ITGB8: variants seen among roughly 807,000 people sequenced by gnomAD.
ITGB8 encodes the protein integrin subunit beta 8, also known as integrin beta-8.
ITGB8 carries 30 observed loss-of-function variants against 89.5 expected under a neutral mutation model. The ratio of observed to expected loss-of-function variants is 0.34; its 90% confidence interval spans 0.25 to 0.45. The LOEUF is 0.45. Ranked by LOEUF, ITGB8 falls within the 20% of genes least tolerant of loss-of-function variation. ITGB8 has a pLI of 1.00. For missense variants in ITGB8, 836 were observed against 933.3 expected, an observed-to-expected ratio of 0.90 and a Z score of 1.36; for synonymous variants, 335 against 320.4, an observed-to-expected ratio of 1.05 and a Z score of -0.49.
In ITGB8 at chr7:20,363,679, G is replaced by T. The variant is rs376774573; in HGVS notation, c.170G>T (p.Arg57Met). The change falls in exon 2 of 14, where the codon AGG becomes ATG. Residue 57 changes from arginine to methionine, a missense_variant. Transcript: ENST00000222573. ...CASSNAASCA[R>M]CLALGPECGW... ...TCTTCAAATGCAGCATCCTGTGCCA[G>T]GTGCCTTGCGCTGGGTCCAGAATGT... 5.2e-4 allele frequency: 833 copies of T among 1,605,412 alleles called. 6 individuals are homozygous for T. The South Asian group carries it at 9.0e-3, about 17-fold the overall frequency.
chr7:20,352,333 A>T (rs1422511088), intron 1 of ITGB8: 4 of 152,210 alleles, frequency 2.6e-5, no homozygotes, highest in Non-Finnish European at 5.9e-5. Context: ...CAGAAGACAA[A>T]TTGAAGTATT....
chr7:20,357,125 T>TA (rs1406945929), intron 1 of ITGB8, among the ~76,000 whole-genome samples: 1 of 152,170 alleles, frequency 6.6e-6, no homozygotes, highest in Non-Finnish European at 1.5e-5. Context: ...GGAAATAATT[T>TA]AAAAATTGTT....
rs1009159263 is a variant in ITGB8, at chr7:20,415,468, T to G, written c.*5471T>G. 2.0e-5 allele frequency: 3 copies of G among 152,472 alleles called. No homozygotes were observed. Among genetic ancestry groups the G allele is most frequent in the African/African-American group, 7.2e-5 (3 of 41,442 alleles). 9.4% of individuals were successfully genotyped at this position (152,472 alleles called of 1,614,324 possible). A position where few individuals can be genotyped will look rare whatever the true frequency, so the allele number is the denominator to read the frequency against. The stretch of plus-strand genomic sequence containing the variant: ...ACATATTTCTTATTATTTCTGGCTT[T>G]GAATTATACGTAACTTAAATTGTCT... On this transcript the variant is annotated 3_prime_UTR_variant, in exon 14 of 14. Coordinates refer to ENST00000222573, the MANE Select transcript of ITGB8 (RefSeq NM_002214.3).
chr7:20,339,716 T>G (rs1055191544), intron 1 of ITGB8, among the ~76,000 whole-genome samples: 4 of 152,220 alleles, frequency 2.6e-5, no homozygotes, highest in African/African-American at 9.6e-5. Flanking sequence ...TTTTGAGTGC[T>G]ATTATCCAAA....
At chr7:20,389,141 C>T (rs1418056123) in intron 6 of ITGB8, among the ~76,000 whole-genome samples, 1 of 152,144 alleles carries the variant, frequency 6.6e-6, no homozygotes. Context: ...GGTATATACC[C>T]AGTAATGGGA....
intron 1 of ITGB8, among the ~76,000 whole-genome samples, chr7:20,362,803 C>T (rs1004573464): frequency 2.0e-5 from 3 of 152,154 alleles, no homozygotes; most frequent in Admixed American, 6.5e-5. Flanking sequence ...ATGTATGACT[C>T]ATTCTGTATC....
intron 6 of ITGB8, among the ~76,000 whole-genome samples, chr7:20,384,583 T>C (rs1484841971): frequency 1.3e-5 from 2 of 152,214 alleles, no homozygotes; most frequent in Non-Finnish European, 2.9e-5. Flanking sequence ...TCAGAAAAGC[T>C]AAGTAAGTTG....
upstream of ITGB8, among the ~76,000 whole-genome samples, chr7:20,330,016 C>T (rs1045674113): frequency 1.3e-5 from 2 of 152,322 alleles, no homozygotes; most frequent in African/African-American, 4.8e-5. Flanking sequence ...CCTCTCCCCG[C>T]TTTGCTGCTG....
chr7:20,336,155 G>A (rs1028636339), intron 1 of ITGB8, among the ~76,000 whole-genome samples: 1 of 151,764 alleles, frequency 6.6e-6, no homozygotes, highest in Non-Finnish European at 1.5e-5. Flanking sequence ...ACAGGCACCC[G>A]CCACCACGCC....
At chr7:20,349,920 GT>G (rs1189298769) in intron 1 of ITGB8, among the ~76,000 whole-genome samples, 7 of 152,162 alleles carry the variant, frequency 4.6e-5, no homozygotes, top group Non-Finnish European at 1.0e-4. Context: ...CAGTGGATGA[GT>G]TTTGCCAGAT....
intron 6 of ITGB8, among the ~76,000 whole-genome samples, chr7:20,383,781 A>G (rs1174141034): frequency 6.6e-6 from 1 of 152,176 alleles, no homozygotes; most frequent in Non-Finnish European, 1.5e-5. Context: ...TGACATCAGG[A>G]AATTGGATGA....
At chr7:20,367,994 TTCA>T (rs1339802040) in intron 3 of ITGB8, among the ~76,000 whole-genome samples, 7 of 152,192 alleles carry the variant, frequency 4.6e-5, no homozygotes. Context: ...TATCCAATCC[TTCA>T]TCATTTCATT....
intron 6 of ITGB8, among the ~76,000 whole-genome samples, chr7:20,386,243 A>ATTTT (rs3032551): frequency 0.24 from 35,040 of 144,604 alleles, 5,063 homozygotes; most frequent in Non-Finnish European, 0.32. Flanking sequence ...CTATGAGAAC[A>ATTTT]TTTTTTTTTT....
chr7:20,386,884 CCATT>C (rs1210503875), intron 6 of ITGB8, among the ~76,000 whole-genome samples: 10 of 152,186 alleles, frequency 6.6e-5, no homozygotes, highest in Non-Finnish European at 1.2e-4. Context: ...CTTTTTGTTG[CCATT>C]ATTATTGAAA....
intron 1 of ITGB8, among the ~76,000 whole-genome samples, chr7:20,358,419 C>CTTT (rs548534753): frequency 4.1e-5 from 6 of 146,018 alleles, no homozygotes; most frequent in African/African-American, 1.2e-4. Flanking sequence ...TCATTTTTTT[C>CTTT]TTTTTTTTTT....
At position 20,415,153 on chromosome 7, in the gene ITGB8, A is replaced by G. The variant is rs1787887515; in HGVS notation, c.*5156A>G. ...TTATTAAGAATATTGAGTATAAAGT[A>G]CTTTAATTCTAAATTATAAGAAAAT... On this transcript the variant is annotated 3_prime_UTR_variant, in exon 14 of 14. Coordinates refer to ENST00000222573, the MANE Select transcript of ITGB8 (RefSeq NM_002214.3). 1 of 152,516 alleles carries G rather than the reference A, an allele frequency of 6.6e-6. No individual in the cohort carries two copies. The highest frequency in any genetic ancestry group is 1.5e-5 in the Non-Finnish European group (1 of 67,964). The allele number at this position is 152,516 out of a possible 1,614,324, so 9.4% of individuals were successfully genotyped here.
At chr7:20,331,977 G>C (rs1411491322) in intron 1 of ITGB8, 44 bp downstream of exon 1, 1 of 1,597,988 alleles carries the variant, frequency 6.3e-7, no homozygotes, top group Admixed American at 1.7e-5. Flanking sequence ...TTCCCCAAAG[G>C]TCTTGGGCTG....
At position 20,406,147 on chromosome 7, in the gene ITGB8, C is replaced by A. The variant is rs770339148; in HGVS notation, c.1999C>A (p.Gln667Lys). 11 of 1,610,062 alleles carry A rather than the reference C, an allele frequency of 6.8e-6. No individual in the cohort carries two copies. The highest frequency in any genetic ancestry group is 9.4e-6 in the Non-Finnish European group (11 of 1,176,300). ...AACCTCATGTGCTCTCATGGAACAA[C>A]AGCATTATGTCGACCAAACTTCAGG... ...CKTSCALMEQ[Q>K]HYVDQTSECF... Residue 667 changes from glutamine (Q) to lysine (K), a missense_variant, in exon 12 of 14, where the codon CAG becomes AAG. Gln to Lys is a moderately conservative substitution (Grantham distance 53). Around this residue, in one of 5 missense-constraint regions of ITGB8, gnomAD observed 422 missense variants for 416.9 expected, o/e 1.01. Coordinates refer to ENST00000222573, the MANE Select transcript of ITGB8 (RefSeq NM_002214.3).
chr7:20,350,630 G>T (rs1455175535), intron 1 of ITGB8, among the ~76,000 whole-genome samples: 1 of 152,168 alleles, frequency 6.6e-6, no homozygotes. Flanking sequence ...CACAATGAGG[G>T]GAACATTTTT....
Sources: allele counts gnomAD v4.1 joint callset (sites outside exome capture counted in the v4.1 genomes callset), GRCh38; gene constraint gnomAD v4.1.1; regional missense constraint gnomAD v4.1.1; transcripts MANE v1.5; gene names NCBI Gene and HGNC (gene_info 2026-07-23, HGNC 2026-07-21).